The following DIAPH2 variants were observed in gnomAD, a reference collection of about 807,000 sequenced individuals.
DIAPH2 encodes diaphanous related formin 2, also known as protein diaphanous homolog 2.
Under a neutral mutation model 92.7 loss-of-function variants are expected in DIAPH2, and 35 were observed. The observed-to-expected ratio is 0.38, with a 90% CI of 0.29 to 0.50. DIAPH2 has a LOEUF of 0.50. DIAPH2 is among the 20% of genes least tolerant of loss of function. The pLI is 0.94. For missense variants in DIAPH2, 701 were observed against 819.5 expected (o/e 0.86, Z 1.77); for synonymous variants, 301 against 280.4 (o/e 1.07, Z -0.73).
chrX:96,790,926 ACTC>A (rs777407059), intron 4 of DIAPH2, among the ~76,000 whole-genome samples: 69 of 110,728 alleles, frequency 6.2e-4, no homozygotes, highest in African/African-American at 2.1e-3. Context: ...GATTCAATGT[ACTC>A]CTCATCAGTG....
intron 5 of DIAPH2, among the ~76,000 whole-genome samples, chrX:96,886,443 A>G (rs1415529772): frequency 1.8e-5 from 2 of 111,051 alleles, no homozygotes; most frequent in African/African-American, 6.5e-5. Context: ...CTTTCAGGAA[A>G]ACTTTCAGAA....
At chrX:97,520,981 C>T (rs1259478057) in intron 26 of DIAPH2, among the ~76,000 whole-genome samples, 2 of 111,520 alleles carry the variant, frequency 1.8e-5, no homozygotes, top group Admixed American at 9.5e-5. Context: ...AAATGTGTCT[C>T]CCCAGAATTT....
intron 22 of DIAPH2, among the ~76,000 whole-genome samples, chrX:97,177,869 C>T (rs968370419): frequency 9.0e-6 from 1 of 110,612 alleles, no homozygotes; most frequent in Admixed American, 9.7e-5. Flanking sequence ...ATCAATAAAG[C>T]GGTATTTATC....
At chrX:97,318,736 T>C (rs1377319923) in intron 23 of DIAPH2, among the ~76,000 whole-genome samples, 2 of 109,195 alleles carry the variant, frequency 1.8e-5, no homozygotes, top group African/African-American at 6.7e-5. Context: ...CCACCCGCCT[T>C]AGCCTCCCAA....
At chrX:96,863,294 C>T (rs944671043) in intron 4 of DIAPH2, among the ~76,000 whole-genome samples, 13 of 95,067 alleles carry the variant, frequency 1.4e-4, no homozygotes, top group Non-Finnish European at 2.7e-4. Context: ...TTTTGTACAG[C>T]TCCTTTCTTA....
At chrX:97,311,770 A>G (rs1053899294) in intron 23 of DIAPH2, among the ~76,000 whole-genome samples, 5 of 111,238 alleles carry the variant, frequency 4.5e-5, no homozygotes, top group African/African-American at 9.8e-5. Context: ...TAGTCCTACA[A>G]AGGCAGTCTA....
Position 97,230,121 on chromosome X carries a change from T to C in DIAPH2, c.2720-17594T>C, listed in dbSNP as rs181173698. On this transcript the variant is annotated intron_variant, in intron 22 of 26. Transcript: ENST00000324765. ...TATTTAGCATGAAAGAGATCTCTAT[T>C]TGGAGTTAAAGCAGTATTATGGTAT... 9.4e-4 allele frequency among the ~76,000 whole-genome samples: 104 copies of C among 110,402 alleles called. 1 individual carries two copies. Among genetic ancestry groups the C allele is most frequent in the Non-Finnish European group, 1.5e-3 (81 of 52,856 alleles).
chrX:97,527,932 A>G (rs2071034708), intron 26 of DIAPH2, among the ~76,000 whole-genome samples: 1 of 111,825 alleles, frequency 8.9e-6, no homozygotes, highest in African/African-American at 3.3e-5. Flanking sequence ...CTGTTGTGCT[A>G]TGATTCTGGT....
intron 4 of DIAPH2, among the ~76,000 whole-genome samples, chrX:96,880,979 A>G (rs766317994): frequency 3.6e-5 from 4 of 112,047 alleles, no homozygotes; most frequent in African/African-American, 1.3e-4. Flanking sequence ...AGATTAATCT[A>G]CAACCTGAGA....
intron 17 of DIAPH2, among the ~76,000 whole-genome samples, chrX:97,008,703 T>C (rs2066202304): frequency 9.0e-6 from 1 of 111,667 alleles, no homozygotes; most frequent in Non-Finnish European, 1.9e-5. Flanking sequence ...CTTGGTGGTA[T>C]TGGATAATAT....
chrX:96,706,010 A>G (rs986786105), intron 1 of DIAPH2, among the ~76,000 whole-genome samples: 2 of 112,637 alleles, frequency 1.8e-5, no homozygotes, highest in African/African-American at 6.4e-5. Context: ...TTTGGCTTTC[A>G]GTATTAGCAA....
At chrX:96,837,406 T>C (rs1376006939) in intron 4 of DIAPH2, among the ~76,000 whole-genome samples, 6 of 55,923 alleles carry the variant, frequency 1.1e-4, no homozygotes, top group African/African-American at 3.7e-4. Context: ...CCTCCCTCCC[T>C]CTCTCTCTCT....
At chrX:97,047,875 CTG>C (rs778808366) in intron 17 of DIAPH2, among the ~76,000 whole-genome samples, 120 of 110,128 alleles carry the variant, frequency 1.1e-3, no homozygotes, top group African/African-American at 3.7e-3. Flanking sequence ...GTATATATCT[CTG>C]TACCCCCTTT....
chrX:96,788,227 T>A (rs762630169), intron 4 of DIAPH2, among the ~76,000 whole-genome samples: 1 of 112,023 alleles, frequency 8.9e-6, no homozygotes, highest in African/African-American at 3.2e-5. Flanking sequence ...ACATAAATGA[T>A]GTGTAACGGC....
At chrX:96,884,717 G>A (rs148408114) in intron 5 of DIAPH2, 28 of 1,208,203 alleles carry the variant, frequency 2.3e-5, no homozygotes, top group Non-Finnish European at 3.0e-5. Flanking sequence ...TGTCCCACGG[G>A]AACAAAGAGC....
intron 4 of DIAPH2, among the ~76,000 whole-genome samples, chrX:96,819,461 G>A (rs2064763247): frequency 8.9e-6 from 1 of 111,971 alleles, no homozygotes; most frequent in Non-Finnish European, 1.9e-5. Context: ...CTGAACATTA[G>A]TGAATTACAG....
chrX:97,551,237 G>A (rs1337220396), intron 26 of DIAPH2, among the ~76,000 whole-genome samples: 3 of 111,173 alleles, frequency 2.7e-5, no homozygotes, highest in African/African-American at 9.8e-5. Flanking sequence ...ACAGCTATCG[G>A]TTATGATAAA....
intron 23 of DIAPH2, among the ~76,000 whole-genome samples, chrX:97,296,574 T>C (rs1293783881): frequency 8.9e-6 from 1 of 111,803 alleles, no homozygotes; most frequent in African/African-American, 3.3e-5. Context: ...AAAATGTTTT[T>C]TATGTGTCAT....
chrX:96,842,082 A>G (rs772387852), intron 4 of DIAPH2, among the ~76,000 whole-genome samples: 10 of 111,199 alleles, frequency 9.0e-5, no homozygotes, highest in Non-Finnish European at 1.9e-4. Flanking sequence ...ATTTCAGGCC[A>G]TCTGGACGTA....
Sources: gnomAD v4.1 joint callset for allele counts (sites outside exome capture counted in the v4.1 genomes callset) on GRCh38, gnomAD v4.1.1 for gene constraint, MANE v1.5 for transcripts, NCBI Gene and HGNC (gene_info 2026-07-23, HGNC 2026-07-21) for gene names.